AOAH: variants seen among roughly 807,000 people sequenced by gnomAD.
AOAH encodes the protein acyloxyacyl hydrolase (neutrophil).
In AOAH, 64 loss-of-function variants were observed where a neutral mutation model predicts 92.2. The observed-to-expected ratio is 0.69, with a 90% CI of 0.57 to 0.86. The LOEUF is 0.86. AOAH is among the 40% of genes least tolerant of loss of function. AOAH has a pLI of 0.00. For synonymous variants in AOAH, 263 were observed against 254.5 expected, an observed-to-expected ratio of 1.03 and a Z score of -0.32; for missense variants, 656 against 694.6, an observed-to-expected ratio of 0.94 and a Z score of 0.62.
chr7:36,646,128 A>C (rs1794209628), intron 4 of AOAH, among the ~76,000 whole-genome samples: 2 of 152,230 alleles, frequency 1.3e-5, no homozygotes, highest in South Asian at 4.1e-4. Flanking sequence ...CACACCATAG[A>C]GGTTCTTCTA....
At chr7:36,535,034 GTCTGTGTGTGTGTA>G (rs1224730816) in intron 16 of AOAH, among the ~76,000 whole-genome samples, 8 of 121,144 alleles carry the variant, frequency 6.6e-5, no homozygotes, top group African/African-American at 1.0e-4. Flanking sequence ...CTGTGTGTGT[GTCTGTGTGTGTGTA>G]TGTGTCTGTG....
intron 6 of AOAH, among the ~76,000 whole-genome samples, chr7:36,625,746 G>A (rs1792618083): frequency 6.6e-6 from 1 of 152,176 alleles, no homozygotes; most frequent in South Asian, 2.1e-4. Context: ...CCCACACCTT[G>A]ATTTTCCCAT....
At chr7:36,561,617 G>A (rs527463738) in intron 13 of AOAH, among the ~76,000 whole-genome samples, 1 of 152,200 alleles carries the variant, frequency 6.6e-6, no homozygotes, top group South Asian at 2.1e-4. Context: ...GTGACTCCTG[G>A]CTTCTTATTT....
At chr7:36,715,854 C>A (rs923035931) in intron 1 of AOAH, among the ~76,000 whole-genome samples, 1 of 152,054 alleles carries the variant, frequency 6.6e-6, no homozygotes, top group Non-Finnish European at 1.5e-5. Context: ...AAATGTTAGA[C>A]CTAAAACCAT....
At chr7:36,627,680 C>A (rs1792773908) in intron 6 of AOAH, among the ~76,000 whole-genome samples, 1 of 152,098 alleles carries the variant, frequency 6.6e-6, no homozygotes, top group African/African-American at 2.4e-5. Context: ...CTAGAGACAT[C>A]CCCATCCCAA....
At chr7:36,612,978 A>T (rs1273434314) in intron 11 of AOAH, among the ~76,000 whole-genome samples, 1 of 151,806 alleles carries the variant, frequency 6.6e-6, no homozygotes, top group Non-Finnish European at 1.5e-5. Context: ...AATTTTGTGA[A>T]TTTTTTTGAC....
intron 1 of AOAH, among the ~76,000 whole-genome samples, chr7:36,702,530 T>C (rs1217118551): frequency 6.6e-6 from 1 of 152,188 alleles, no homozygotes; most frequent in Non-Finnish European, 1.5e-5. Context: ...ATAAAGCAAA[T>C]AACTCAATAG....
intron 16 of AOAH, among the ~76,000 whole-genome samples, chr7:36,533,626 C>T (rs1354917259): frequency 3.3e-5 from 5 of 152,098 alleles, no homozygotes; most frequent in African/African-American, 4.8e-5. Flanking sequence ...TTCCATTTTC[C>T]CCCAAGTTCC....
At chr7:36,678,600 T>TGTGTGTGTGTGTGTGTGTGTGTGC (rs549317369) in intron 2 of AOAH, among the ~76,000 whole-genome samples, 7 of 131,098 alleles carry the variant, frequency 5.3e-5, no homozygotes, top group Non-Finnish European at 8.5e-5. Context: ...TGTGTGTGTG[T>TGTGTGTGTGTGTGTGTGTGTGTGC]GCGCGCGCGC....
chr7:36,713,857 G>T (rs1266908943), intron 1 of AOAH, among the ~76,000 whole-genome samples: 1 of 152,104 alleles, frequency 6.6e-6, no homozygotes, highest in Non-Finnish European at 1.5e-5. Flanking sequence ...AGCACTAAAT[G>T]CCCACAAGAG....
chr7:36,512,995 CTT>C lies in AOAH; in HGVS notation c.*255_*256del, dbSNP rs962043596. 4 of 1,476,110 alleles carry C rather than the reference CTT, an allele frequency of 2.7e-6. No individual in the cohort carries two copies. In the African/African-American group the frequency reaches 5.6e-5, roughly 21 times the overall value. The allele number at this position is 1,476,110 out of a possible 1,614,324, so 91.4% of individuals were successfully genotyped here. A position where few individuals can be genotyped will look rare whatever the true frequency, so the allele number is the denominator to read the frequency against. On this transcript the variant is annotated 3_prime_UTR_variant, in exon 21 of 21. Transcript: ENST00000617537. ...TAGCTGTAAAGGGCACAGATACTCT[CTT>C]GTTTGGAATGGCACCCAAAGCACTT...
intron 4 of AOAH, among the ~76,000 whole-genome samples, chr7:36,643,899 G>T (rs544215192): frequency 1.3e-5 from 2 of 152,250 alleles, no homozygotes; most frequent in African/African-American, 4.8e-5. Flanking sequence ...ATGATTGTAA[G>T]TTTCCTGAGG....
intron 4 of AOAH, among the ~76,000 whole-genome samples, chr7:36,651,648 T>A (rs1329787257): frequency 2.0e-5 from 3 of 152,220 alleles, no homozygotes; most frequent in Admixed American, 1.3e-4. Context: ...GAAGTGACTA[T>A]TCTGAATGTG....
intron 1 of AOAH, among the ~76,000 whole-genome samples, chr7:36,699,687 T>C (rs1157167081): frequency 6.6e-6 from 1 of 151,802 alleles, no homozygotes; most frequent in Non-Finnish European, 1.5e-5. Flanking sequence ...TATATATTCT[T>C]GTTATTAATC....
chr7:36,714,074 C>T (rs1473981093), intron 1 of AOAH, among the ~76,000 whole-genome samples: 20 of 151,948 alleles, frequency 1.3e-4, no homozygotes, highest in East Asian at 7.7e-4. Flanking sequence ...ATTGATAGAC[C>T]GCTAGCAAGA....
intron 4 of AOAH, among the ~76,000 whole-genome samples, chr7:36,642,900 T>C (rs1794001127): frequency 6.6e-6 from 1 of 152,212 alleles, no homozygotes; most frequent in African/African-American, 2.4e-5. Context: ...TAGTTACTAG[T>C]TGTAGGACCT....
rs577649975 is a variant in AOAH, at chr7:36,681,108, T to C, written c.223+5591A>G. On this transcript the variant is annotated intron_variant, in intron 2 of 20. Transcript: ENST00000617537. The stretch of plus-strand genomic sequence containing the variant: ...AAAGAGAACATCTAACTTGAGGTTA[T>C]ACCTGCCAATGCTGTCTATCACACA... Among the ~76,000 whole-genome samples, 88 of 152,342 alleles carry C rather than the reference T, an allele frequency of 5.8e-4. 2 individuals carry two copies. The highest frequency in any genetic ancestry group is 4.3e-3 in the Admixed American group (66 of 15,302).
At chr7:36,611,478 A>G (rs886651585) in intron 11 of AOAH, among the ~76,000 whole-genome samples, 6 of 152,228 alleles carry the variant, frequency 3.9e-5, no homozygotes, top group African/African-American at 1.4e-4. Context: ...AGCAGATGAA[A>G]ACGATTACAA....
chr7:36,524,650 C>A (rs986697907), intron 19 of AOAH, among the ~76,000 whole-genome samples: 1 of 151,580 alleles, frequency 6.6e-6, no homozygotes, highest in Non-Finnish European at 1.5e-5. Context: ...CACTTCAGCC[C>A]GGGAGACAGT....
Sources: allele counts gnomAD v4.1 joint callset (sites outside exome capture counted in the v4.1 genomes callset), GRCh38; gene constraint gnomAD v4.1.1; transcripts MANE v1.5; gene names NCBI Gene and HGNC (gene_info 2026-07-23, HGNC 2026-07-21).